Variants in ACYP2 observed in about 807,000 individuals in gnomAD.
ACYP2 encodes acylphosphatase 2.
In ACYP2, 12 loss-of-function variants were observed where a neutral mutation model predicts 11.2. The observed-to-expected ratio is 1.08, with a 90% CI of 0.69 to 1.74. The LOEUF is 1.74. Ranked by LOEUF, ACYP2 falls within the 40% of genes most tolerant of loss-of-function variation. The pLI, the probability that ACYP2 is intolerant of heterozygous loss-of-function variation, is 0.00. For missense variants in ACYP2, 134 were observed against 101.9 expected, an observed-to-expected ratio of 1.31 and a Z score of -1.35; for synonymous variants, 43 against 32.2, an observed-to-expected ratio of 1.33 and a Z score of -1.13.
intron 2 of ACYP2, among the ~76,000 whole-genome samples, chr2:53,977,486 G>T (rs1404972217): frequency 6.6e-6 from 1 of 151,998 alleles, no homozygotes; most frequent in Non-Finnish European, 1.5e-5. Flanking sequence ...TGTAATCCCA[G>T]CACTTTGGGA....
At chr2:54,101,794 A>G (rs1678909470) in intron 4 of ACYP2, among the ~76,000 whole-genome samples, 1 of 151,674 alleles carries the variant, frequency 6.6e-6, no homozygotes, top group Non-Finnish European at 1.5e-5. Context: ...GAGCAGTTTT[A>G]GCTTAACGGA....
At chr2:54,039,168 C>G (rs1243299257) in intron 2 of ACYP2, among the ~76,000 whole-genome samples, 1 of 146,674 alleles carries the variant, frequency 6.8e-6, no homozygotes, top group African/African-American at 2.5e-5. Context: ...GCATGTAGGG[C>G]TTTAAAATAA....
At chr2:54,041,464 G>A (rs1261768122) in intron 2 of ACYP2, among the ~76,000 whole-genome samples, 1 of 152,222 alleles carries the variant, frequency 6.6e-6, no homozygotes, top group African/African-American at 2.4e-5. Flanking sequence ...AGTCACCCAG[G>A]AGAGTGGGAG....
intron 4 of ACYP2, among the ~76,000 whole-genome samples, chr2:54,127,592 CA>C (rs1045636835): frequency 6.6e-6 from 1 of 151,728 alleles, no homozygotes; most frequent in South Asian, 2.1e-4. Flanking sequence ...TACAAAAATA[CA>C]AAAAATTAGC....
intron 4 of ACYP2, among the ~76,000 whole-genome samples, chr2:54,131,986 G>A (rs946073158): frequency 1.3e-5 from 2 of 152,186 alleles, no homozygotes; most frequent in African/African-American, 4.8e-5. Flanking sequence ...GATGGACTAC[G>A]TGTTTCTAAT....
At chr2:54,130,801 C>T (rs1040606916) in intron 4 of ACYP2, among the ~76,000 whole-genome samples, 10 of 152,222 alleles carry the variant, frequency 6.6e-5, no homozygotes, top group East Asian at 1.9e-4. Context: ...TCTCAAACCT[C>T]GGGCCTTTGA....
chr2:54,215,709 G>C (rs1488339916), intron 6 of ACYP2, among the ~76,000 whole-genome samples: 1 of 151,986 alleles, frequency 6.6e-6, no homozygotes, highest in Non-Finnish European at 1.5e-5. Flanking sequence ...GCATAGTTAG[G>C]TGTAATCATT....
At chr2:54,151,030 C>T (rs1572859556) in intron 6 of ACYP2, among the ~76,000 whole-genome samples, 3 of 152,020 alleles carry the variant, frequency 2.0e-5, no homozygotes, top group African/African-American at 4.8e-5. Context: ...GGTGAGCCAC[C>T]GCGCCCGGCA....
intron 6 of ACYP2, among the ~76,000 whole-genome samples, chr2:54,301,936 G>A (rs996219531): frequency 1.3e-5 from 2 of 152,084 alleles, no homozygotes; most frequent in Non-Finnish European, 2.9e-5. Flanking sequence ...AAGCATATAT[G>A]GAGCCATGAC....
chr2:54,076,138 T>C (rs1677327803), intron 4 of ACYP2, among the ~76,000 whole-genome samples: 2 of 152,202 alleles, frequency 1.3e-5, no homozygotes, highest in Admixed American at 6.5e-5. Flanking sequence ...GTTTTTCATA[T>C]GTAAAATATT....
intron 2 of ACYP2, among the ~76,000 whole-genome samples, chr2:54,041,652 T>C (rs901429347): frequency 1.3e-5 from 2 of 152,226 alleles, no homozygotes; most frequent in African/African-American, 4.8e-5. Context: ...CAAAGGTTAT[T>C]GTTTATTCAA....
At chr2:54,238,211 TTAC>T (rs1686581546) in intron 6 of ACYP2, among the ~76,000 whole-genome samples, 1 of 152,236 alleles carries the variant, frequency 6.6e-6, no homozygotes, top group African/African-American at 2.4e-5. Flanking sequence ...TTCATAGCAC[TTAC>T]TACAATATGA....
chr2:53,991,086 G>T (rs998310040), intron 2 of ACYP2, among the ~76,000 whole-genome samples: 1 of 152,124 alleles, frequency 6.6e-6, no homozygotes, highest in South Asian at 2.1e-4. Context: ...GTGAGCCACC[G>T]TGCCCTGTCG....
chr2:54,015,645 T>TCACACACACACA (rs4027206), intron 2 of ACYP2, among the ~76,000 whole-genome samples: 47 of 130,484 alleles, frequency 3.6e-4, no homozygotes, highest in Middle Eastern at 3.8e-3. Flanking sequence ...TGAGACCCCG[T>TCACACACACACA]CACACACACA....
intron 4 of ACYP2, among the ~76,000 whole-genome samples, chr2:54,130,261 A>C (rs1346713542): frequency 6.6e-6 from 1 of 152,160 alleles, no homozygotes. Flanking sequence ...AGTAATGAGA[A>C]TATCAGGGGG....
At chr2:54,238,520 C>A (rs2103979779) in intron 6 of ACYP2, among the ~76,000 whole-genome samples, 1 of 152,172 alleles carries the variant, frequency 6.6e-6, no homozygotes, top group Non-Finnish European at 1.5e-5. Context: ...ATATTTTAAT[C>A]TTTCGAATGT....
intron 2 of ACYP2, among the ~76,000 whole-genome samples, chr2:53,990,845 G>A (rs1221800078): frequency 6.6e-6 from 1 of 151,630 alleles, no homozygotes; most frequent in Non-Finnish European, 1.5e-5. Flanking sequence ...CGCCCAGGCT[G>A]GAGTGCGGTG....
intron 2 of ACYP2, among the ~76,000 whole-genome samples, chr2:54,028,519 A>G (rs187674877): frequency 5.3e-5 from 8 of 152,330 alleles, no homozygotes; most frequent in African/African-American, 1.9e-4. Flanking sequence ...AGACCCACCA[A>G]AGAAGAAAAT....
intron 6 of ACYP2, among the ~76,000 whole-genome samples, chr2:54,139,913 G>A (rs956163266): frequency 3.9e-5 from 6 of 152,036 alleles, no homozygotes; most frequent in East Asian, 1.9e-4. Context: ...GATTTTTACC[G>A]AAATAGAATA....
Sources: allele counts gnomAD v4.1 joint callset (sites outside exome capture counted in the v4.1 genomes callset), GRCh38; gene constraint gnomAD v4.1.1; transcripts MANE v1.5; gene names NCBI Gene and HGNC (gene_info 2026-07-23, HGNC 2026-07-21).